BID: variants seen among roughly 807,000 people sequenced by gnomAD.
The protein encoded by BID is BH3 interacting domain death agonist.
In BID, 19 loss-of-function variants were observed where a neutral mutation model predicts 17.4. The ratio of observed to expected loss-of-function variants is 1.09; its 90% confidence interval spans 0.76 to 1.60. The LOEUF is 1.60. Among genes scored for constraint, BID ranks in the 40% most tolerant of loss-of-function variants. BID has a pLI of 0.00. For missense variants in BID, 226 were observed against 256.0 expected (o/e 0.88, Z 0.80); for synonymous variants, 108 against 102.8 (o/e 1.05, Z -0.31).
intron 1 of BID, among the ~76,000 whole-genome samples, chr22:17,763,560 C>T (rs2061656839): frequency 6.6e-6 from 1 of 152,114 alleles, no homozygotes; most frequent in African/African-American, 2.4e-5. Context: ...TAACTTTTAA[C>T]AAAGTAACTG....
chr22:17,741,466 T>C (rs1249680973), intron 3 of BID, among the ~76,000 whole-genome samples: 1 of 151,874 alleles, frequency 6.6e-6, no homozygotes, highest in African/African-American at 2.4e-5. Context: ...CTACTCACTG[T>C]AGCTTTTTTT....
intron 1 of BID, among the ~76,000 whole-genome samples, chr22:17,753,835 G>C (rs2061559659): frequency 6.6e-6 from 1 of 152,238 alleles, no homozygotes; most frequent in Admixed American, 6.5e-5. Context: ...TCACAGCCAG[G>C]TTCCCCAAGG....
At chr22:17,749,980 C>G in intron 2 of BID, 125 bp downstream of exon 2, 8 of 931,480 alleles carry the variant, frequency 8.6e-6, no homozygotes, top group Non-Finnish European at 1.3e-5. Context: ...TCGTCTGTGC[C>G]GAGCTGTGGT....
At chr22:17,750,914 T>C (rs2061533693) in intron 1 of BID, among the ~76,000 whole-genome samples, 1 of 151,864 alleles carries the variant, frequency 6.6e-6, no homozygotes, top group Admixed American at 6.6e-5. Flanking sequence ...GCAAGCCCTG[T>C]GGGCCCAGCT....
At chr22:17,760,325 A>G (rs916386513) in intron 1 of BID, among the ~76,000 whole-genome samples, 1 of 150,564 alleles carries the variant, frequency 6.6e-6, no homozygotes. Flanking sequence ...GGTGATGGGC[A>G]ACTGTAGTCC....
intron 1 of BID, among the ~76,000 whole-genome samples, chr22:17,762,325 C>T (rs1049427448): frequency 5.3e-5 from 8 of 152,024 alleles, no homozygotes; most frequent in Non-Finnish European, 1.0e-4. Context: ...GGTGAAATCC[C>T]GTCTCTACTA....
intron 1 of BID, among the ~76,000 whole-genome samples, chr22:17,762,793 T>A (rs1365757616): frequency 6.6e-6 from 1 of 152,076 alleles, no homozygotes; most frequent in African/African-American, 2.4e-5. Flanking sequence ...GCTTTTTGGT[T>A]CCTCAATAAT....
At chr22:17,745,731 G>T (rs542578005) in intron 2 of BID, among the ~76,000 whole-genome samples, 1 of 152,092 alleles carries the variant, frequency 6.6e-6, no homozygotes, top group South Asian at 2.1e-4. Context: ...ACTTTGGGAG[G>T]CCGAGGCGGG....
At chr22:17,768,254 T>A (rs2061692721) in intron 1 of BID, among the ~76,000 whole-genome samples, 1 of 152,210 alleles carries the variant, frequency 6.6e-6, no homozygotes, top group South Asian at 2.1e-4. Context: ...TTATGGCATG[T>A]GCAGTATGTC....
rs776942189 is a variant in BID, at chr22:17,735,634, T to G, written c.577-43A>C. The G allele has an allele frequency of 1.5e-5, 24 of 1,613,454 alleles. No homozygotes were observed. The Admixed American group carries it at 2.0e-4, about 13-fold the overall frequency. On this transcript the variant is annotated intron_variant, in intron 5 of 5. Transcript: ENST00000622694. ...AAAAAGCCAGAATCAGCTAGGCTCA[T>G]TCACAAACCAGGCTCCAGAGCTCTG...
chr22:17,773,788 A>T lies in BID; in HGVS notation c.-59+593T>A. 8.9e-7 allele frequency: 1 copy of T among 1,124,752 alleles called. No individual in the cohort carries two copies. Among genetic ancestry groups the T allele is most frequent in the Non-Finnish European group, 1.3e-6 (1 of 776,676 alleles). 69.7% of individuals were successfully genotyped at this position (1,124,752 alleles called of 1,614,324 possible). A position where few individuals can be genotyped will look rare whatever the true frequency, so the allele number is the denominator to read the frequency against. ...CAGGGTCCCCTGGGGTCATTCAGCC[A>T]CTCAACAGTTTCCCAGCAGCAGCAG... On this transcript the variant is annotated intron_variant, in intron 1 of 5. Transcript: ENST00000622694. The surrounding 1 kb of genome is among the most constrained non-coding windows in gnomAD (Gnocchi z 4.4).
intron 1 of BID, among the ~76,000 whole-genome samples, chr22:17,756,473 TTCTTTTCTTTCTTTC>T (rs2061589880): frequency 9.9e-6 from 1 of 101,112 alleles, no homozygotes; most frequent in African/African-American, 3.8e-5. Context: ...CTTTCTTTCT[TTCTTTTCTTTCTTTC>T]TTTCTTTCTC....
chr22:17,762,140 A>G (rs2061643524), intron 1 of BID, among the ~76,000 whole-genome samples: 1 of 152,158 alleles, frequency 6.6e-6, no homozygotes, highest in African/African-American at 2.4e-5. Context: ...TCAGACACCC[A>G]GGAGATCTGC....
chr22:17,755,369 T>G (rs1436419258), intron 1 of BID, among the ~76,000 whole-genome samples: 1 of 152,144 alleles, frequency 6.6e-6, no homozygotes, highest in Non-Finnish European at 1.5e-5. Flanking sequence ...GACCATGGCC[T>G]AGATTGGTGA....
At chr22:17,762,566 T>C (rs922387286) in intron 1 of BID, among the ~76,000 whole-genome samples, 1 of 132,682 alleles carries the variant, frequency 7.5e-6, no homozygotes, top group Non-Finnish European at 1.5e-5. Context: ...TTTTTTTTTT[T>C]TGGAGACAGG....
chr22:17,739,648 G>T, intron 3 of BID, 160 bp from the exon 4 acceptor site: 1 of 980,026 alleles, frequency 1.0e-6, no homozygotes, highest in Non-Finnish European at 1.5e-6. Flanking sequence ...CAGCGGGCGG[G>T]CTGAGTACCA....
At chr22:17,770,052 A>C (rs1601884828) in intron 1 of BID, among the ~76,000 whole-genome samples, 4 of 147,686 alleles carry the variant, frequency 2.7e-5, no homozygotes, top group East Asian at 2.0e-4. Flanking sequence ...CTTTCTTTCC[A>C]CCCCCATATG....
At chr22:17,753,183 G>A (rs1449700131) in intron 1 of BID, among the ~76,000 whole-genome samples, 1 of 151,340 alleles carries the variant, frequency 6.6e-6, no homozygotes, top group Non-Finnish European at 1.5e-5. Flanking sequence ...AGCCAGGATG[G>A]TCTTGATCTC....
chr22:17,754,206 C>T (rs2061564479), intron 1 of BID, among the ~76,000 whole-genome samples: 3 of 152,026 alleles, frequency 2.0e-5, no homozygotes, highest in African/African-American at 7.3e-5. Context: ...GTGACATTCC[C>T]CCAGTCTCCA....
Sources: allele counts gnomAD v4.1 joint callset (sites outside exome capture counted in the v4.1 genomes callset), GRCh38; gene constraint gnomAD v4.1.1; non-coding constraint Gnocchi (gnomAD v3.1); transcripts MANE v1.5; gene names NCBI Gene and HGNC (gene_info 2026-07-23, HGNC 2026-07-21).